The following COG5 variants were observed in gnomAD, a reference collection of about 807,000 sequenced individuals.
COG5 encodes the protein conserved oligomeric Golgi complex subunit 5.
COG5 carries 86 observed loss-of-function variants against 110.4 expected under a neutral mutation model. The observed-to-expected ratio is 0.78, with a 90% CI of 0.65 to 0.93. COG5 has a LOEUF of 0.93. Among genes scored for constraint, COG5 ranks in the 40% least tolerant of loss-of-function variants. COG5 has a pLI of 0.00. For synonymous variants in COG5, 360 were observed against 334.6 expected, an observed-to-expected ratio of 1.08 and a Z score of -0.83; for missense variants, 1,077 against 987.0, an observed-to-expected ratio of 1.09 and a Z score of -1.22.
At chr7:107,229,278 G>A (rs1156487340) in intron 19 of COG5, among the ~76,000 whole-genome samples, 2 of 152,020 alleles carry the variant, frequency 1.3e-5, no homozygotes, top group African/African-American at 2.4e-5. Flanking sequence ...GTGAAACACC[G>A]TCTATACTAA....
intron 12 of COG5, among the ~76,000 whole-genome samples, chr7:107,295,556 C>G (rs919437323): frequency 2.0e-5 from 3 of 152,022 alleles, no homozygotes; most frequent in Non-Finnish European, 4.4e-5. Context: ...CTTACATCTC[C>G]CATCTCTTTT....
intron 5 of COG5, among the ~76,000 whole-genome samples, chr7:107,535,638 A>T (rs572852491): frequency 6.6e-6 from 1 of 152,224 alleles, no homozygotes; most frequent in Admixed American, 6.5e-5. Context: ...GAATAGACCA[A>T]TAACAAGTTC....
intron 6 of COG5, among the ~76,000 whole-genome samples, chr7:107,426,167 C>G (rs1793630045): frequency 6.6e-6 from 1 of 152,062 alleles, no homozygotes. Flanking sequence ...TTTAAGCCAC[C>G]CAGTTTGTGG....
intron 21 of COG5, among the ~76,000 whole-genome samples, chr7:107,206,255 G>C (rs748373504): frequency 6.6e-6 from 1 of 152,112 alleles, no homozygotes; most frequent in Non-Finnish European, 1.5e-5. Context: ...GCCAGAAGAA[G>C]TGTAGCTGTT....
intron 6 of COG5, among the ~76,000 whole-genome samples, chr7:107,479,141 T>C (rs116953304): frequency 1.3e-4 from 20 of 152,134 alleles, no homozygotes; most frequent in Non-Finnish European, 2.9e-4. Context: ...AGAATAAAGT[T>C]CTTAATAGAC....
intron 5 of COG5, among the ~76,000 whole-genome samples, chr7:107,540,742 T>TA: frequency 6.6e-6 from 1 of 151,186 alleles, no homozygotes; most frequent in Non-Finnish European, 1.5e-5. Flanking sequence ...TAATATCCAA[T>TA]AAAAAATTAC....
chr7:107,468,656 T>C (rs1223879840), intron 6 of COG5, among the ~76,000 whole-genome samples: 15 of 152,182 alleles, frequency 9.9e-5, no homozygotes, highest in Admixed American at 9.8e-4. Flanking sequence ...TCACAACTCA[T>C]ATTGGTCAGC....
intron 17 of COG5, among the ~76,000 whole-genome samples, chr7:107,242,310 A>G (rs1363528369): frequency 6.6e-6 from 1 of 152,228 alleles, no homozygotes; most frequent in Non-Finnish European, 1.5e-5. Context: ...GGGAACCCCC[A>G]CTGCCCAGAA....
intron 6 of COG5, among the ~76,000 whole-genome samples, chr7:107,427,351 T>A (rs1303947085): frequency 6.6e-6 from 1 of 152,180 alleles, no homozygotes; most frequent in Non-Finnish European, 1.5e-5. Flanking sequence ...CTTATTCACT[T>A]TTCTTCACTA....
At chr7:107,527,207 C>T (rs1800829243) in intron 6 of COG5, 30 bp downstream of exon 6, 1 of 1,496,714 alleles carries the variant, frequency 6.7e-7, no homozygotes, top group African/African-American at 1.5e-5. Flanking sequence ...TCTCTACTAA[C>T]TTTTTATTTA....
At chr7:107,271,266 A>T (rs1194105571) in intron 14 of COG5, among the ~76,000 whole-genome samples, 1 of 152,154 alleles carries the variant, frequency 6.6e-6, no homozygotes, top group Non-Finnish European at 1.5e-5. Flanking sequence ...TGTCTTGGTT[A>T]TTCTTGACAC....
intron 6 of COG5, among the ~76,000 whole-genome samples, chr7:107,502,567 TCTA>T (rs1269532292): frequency 9.2e-5 from 14 of 152,136 alleles, no homozygotes; most frequent in African/African-American, 3.4e-4. Flanking sequence ...GAATGGTAGA[TCTA>T]CTTTTAGTTC....
At chr7:107,268,050 C>T (rs2116697281) in intron 14 of COG5, among the ~76,000 whole-genome samples, 1 of 152,270 alleles carries the variant, frequency 6.6e-6, no homozygotes, top group South Asian at 2.1e-4. Context: ...CTCACCGCAA[C>T]CTCTGCCTCC....
At chr7:107,438,011 G>T (rs1372458311) in intron 6 of COG5, among the ~76,000 whole-genome samples, 2 of 152,228 alleles carry the variant, frequency 1.3e-5, no homozygotes, top group Admixed American at 1.3e-4. Flanking sequence ...TTCTCAGGTA[G>T]TCAATACCTC....
intron 10 of COG5, among the ~76,000 whole-genome samples, chr7:107,359,817 G>A (rs1037935696): frequency 2.0e-5 from 3 of 151,920 alleles, no homozygotes; most frequent in Non-Finnish European, 4.4e-5. Flanking sequence ...CCTCTCTGCT[G>A]AGGGCCACAC....
At chr7:107,316,197 T>C (rs1323081817) in intron 11 of COG5, among the ~76,000 whole-genome samples, 1 of 152,176 alleles carries the variant, frequency 6.6e-6, no homozygotes, top group African/African-American at 2.4e-5. Context: ...TTTTGTTTTA[T>C]TTTTTATTAC....
chr7:107,377,604 T>C (rs1012663767), intron 7 of COG5, among the ~76,000 whole-genome samples: 2 of 152,210 alleles, frequency 1.3e-5, no homozygotes, highest in Non-Finnish European at 1.5e-5. Context: ...CAGACCTAGA[T>C]CAGCATCCAA....
At chr7:107,334,043 C>T (rs751229694) in intron 10 of COG5, among the ~76,000 whole-genome samples, 2 of 152,006 alleles carry the variant, frequency 1.3e-5, no homozygotes, top group Non-Finnish European at 2.9e-5. Flanking sequence ...TTTGAAAATT[C>T]CTGCAATCCC....
At chr7:107,437,427 C>A (rs1401916284) in intron 6 of COG5, among the ~76,000 whole-genome samples, 3 of 152,138 alleles carry the variant, frequency 2.0e-5, no homozygotes, top group African/African-American at 7.2e-5. Flanking sequence ...TAACTTCTTT[C>A]TTGTTTCTGC....
Sources: gnomAD v4.1 joint callset for allele counts (sites outside exome capture counted in the v4.1 genomes callset) on GRCh38, gnomAD v4.1.1 for gene constraint, MANE v1.5 for transcripts, NCBI Gene and HGNC (gene_info 2026-07-23, HGNC 2026-07-21) for gene names.